Variants in NFIA observed in about 807,000 individuals in gnomAD.
NFIA encodes nuclear factor I A.
NFIA carries 8 observed loss-of-function variants against 62.8 expected under a neutral mutation model. The ratio of observed to expected loss-of-function variants is 0.13; its 90% CI spans 0.07 to 0.23. NFIA has a LOEUF of 0.23. Among genes scored for constraint, NFIA ranks in the 10% least tolerant of loss-of-function variants. The pLI is 1.00. For missense variants in NFIA, 410 were observed against 642.1 expected (o/e 0.64, Z 3.91); for synonymous variants, 235 against 238.1 (o/e 0.99, Z 0.12).
At chr1:61,280,530 A>G (rs1658069220) in intron 3 of NFIA, among the ~76,000 whole-genome samples, 1 of 152,246 alleles carries the variant, frequency 6.6e-6, no homozygotes, top group South Asian at 2.1e-4. Context: ...GTAATGGGAA[A>G]CGAATGGTAT....
chr1:61,342,793 C>T (rs979424144), intron 4 of NFIA, among the ~76,000 whole-genome samples: 1 of 152,240 alleles, frequency 6.6e-6, no homozygotes, highest in Non-Finnish European at 1.5e-5. Flanking sequence ...GTGAATTTCA[C>T]TCCTGTTTCT....
intron 4 of NFIA, among the ~76,000 whole-genome samples, chr1:61,334,295 G>A (rs549282206): frequency 1.5e-4 from 23 of 151,980 alleles, no homozygotes; most frequent in South Asian, 1.0e-3. Context: ...GTATTGAAGC[G>A]TACTTAAAGT....
intron 4 of NFIA, among the ~76,000 whole-genome samples, chr1:61,341,050 TACCGGC>T (rs1474325599): frequency 6.7e-6 from 1 of 149,802 alleles, no homozygotes; most frequent in Non-Finnish European, 1.5e-5. Flanking sequence ...GGGTCATCTG[TACCGGC>T]ATTCTTTTTT....
intron 4 of NFIA, among the ~76,000 whole-genome samples, chr1:61,349,129 AGAG>A (rs1662408509): frequency 6.6e-6 from 1 of 152,186 alleles, no homozygotes; most frequent in South Asian, 2.1e-4. Context: ...ACCTAATAAA[AGAG>A]GAAATTATGC....
At chr1:61,272,325 G>A (rs1657559743) in intron 2 of NFIA, among the ~76,000 whole-genome samples, 2 of 151,894 alleles carry the variant, frequency 1.3e-5, no homozygotes. Context: ...TTAAGGTCAC[G>A]GTCATACTGG....
At position 61,266,124 on chromosome 1, in the gene NFIA, T is replaced by C. The variant is rs529178772; in HGVS notation, c.560-11396T>C. ...AACACCTAACCCTCACCTTCATCTA[T>C]AGATATTCTGGCCTGGAGAGGTAAG... On this transcript the variant is annotated intron_variant, in intron 2 of 10. Coordinates refer to ENST00000403491, the MANE Select transcript of NFIA (RefSeq NM_001134673.4). 2.6e-5 allele frequency among the ~76,000 whole-genome samples: 4 copies of C among 152,290 alleles called. No homozygotes were observed. In the East Asian group the frequency reaches 7.7e-4, roughly 29 times the overall value.
intron 2 of NFIA, among the ~76,000 whole-genome samples, chr1:61,219,343 T>C (rs1653855958): frequency 1.3e-5 from 2 of 152,172 alleles, no homozygotes; most frequent in African/African-American, 4.8e-5. Flanking sequence ...TTATTAGATA[T>C]ATGGATTTGG....
chr1:61,205,997 C>T (rs1218829420), intron 2 of NFIA, among the ~76,000 whole-genome samples: 3 of 148,736 alleles, frequency 2.0e-5, no homozygotes, highest in Non-Finnish European at 4.4e-5. Flanking sequence ...GCTCACTACA[C>T]CCTGACCTCC....
At chr1:61,336,906 T>G (rs1661643607) in intron 4 of NFIA, among the ~76,000 whole-genome samples, 1 of 152,242 alleles carries the variant, frequency 6.6e-6, no homozygotes, top group Non-Finnish European at 1.5e-5. Flanking sequence ...GTTGAGATTT[T>G]TCTCCCTTTC....
At chr1:61,173,610 G>T (rs563584434) in intron 2 of NFIA, among the ~76,000 whole-genome samples, 1 of 151,940 alleles carries the variant, frequency 6.6e-6, no homozygotes, top group South Asian at 2.1e-4. Flanking sequence ...GGCTAGTCTC[G>T]AACTGCTGGC....
chr1:61,452,584 A>G (rs992619462), intron 10 of NFIA, among the ~76,000 whole-genome samples: 1 of 152,152 alleles, frequency 6.6e-6, no homozygotes, highest in African/African-American at 2.4e-5. Context: ...ACCACAGGGC[A>G]GCTCAGCCCC....
chr1:61,413,685 G>GGC (rs1181255981), intron 9 of NFIA, among the ~76,000 whole-genome samples: 3 of 120,430 alleles, frequency 2.5e-5, no homozygotes, highest in African/African-American at 6.6e-5. Context: ...GGAGTGCAGT[G>GGC]GCATTATCTC....
intron 6 of NFIA, among the ~76,000 whole-genome samples, chr1:61,362,685 G>A (rs1456151250): frequency 6.6e-6 from 1 of 152,170 alleles, no homozygotes; most frequent in Non-Finnish European, 1.5e-5. Flanking sequence ...GAAGGGCATA[G>A]GAGATTAAAG....
chr1:61,165,396 T>A (rs1350132356), intron 2 of NFIA, among the ~76,000 whole-genome samples: 1 of 152,206 alleles, frequency 6.6e-6, no homozygotes, highest in Non-Finnish European at 1.5e-5. Context: ...CATTTTAAGC[T>A]GATTAAAAGT....
In NFIA at chr1:61,274,193, T is replaced by C. The variant is rs144280872; in HGVS notation, c.560-3327T>C. ...TAGCTGTAGGCGCCATAAAACTGCA[T>C]AGGTGGATGGCTACCAGTTCAATTA... On this transcript the variant is annotated intron_variant, in intron 2 of 10. Transcript: ENST00000403491. Among the ~76,000 whole-genome samples, 467 of 152,296 alleles carry C rather than the reference T, an allele frequency of 3.1e-3. 1 individual carries two copies. Among genetic ancestry groups the C allele is most frequent in the Admixed American group, 8.4e-3 (128 of 15,292 alleles).
At chr1:61,218,805 A>G (rs767990491) in intron 2 of NFIA, among the ~76,000 whole-genome samples, 5 of 152,218 alleles carry the variant, frequency 3.3e-5, no homozygotes, top group Non-Finnish European at 7.3e-5. Flanking sequence ...GCAAGTTTTT[A>G]TTATTATAAT....
chr1:61,332,736 C>A, intron 4 of NFIA, 150 bp downstream of exon 4: 1 of 610,522 alleles, frequency 1.6e-6, no homozygotes, highest in Non-Finnish European at 2.8e-6. Context: ...GTTTGACAAC[C>A]AAGAATTTAA....
intron 3 of NFIA, among the ~76,000 whole-genome samples, chr1:61,309,229 G>C (rs1452308219): frequency 6.6e-6 from 1 of 152,072 alleles, no homozygotes; most frequent in African/African-American, 2.4e-5. Flanking sequence ...TGTTGTAAGG[G>C]TTGAATATGA....
chr1:61,298,440 A>G (rs1379703403), intron 3 of NFIA, among the ~76,000 whole-genome samples: 1 of 152,124 alleles, frequency 6.6e-6, no homozygotes, highest in African/African-American at 2.4e-5. Flanking sequence ...ACCCTTTTAG[A>G]TAATCCTTGC....
Sources: gnomAD v4.1 joint callset for allele counts (sites outside exome capture counted in the v4.1 genomes callset) on GRCh38, gnomAD v4.1.1 for gene constraint, MANE v1.5 for transcripts, NCBI Gene and HGNC (gene_info 2026-07-23, HGNC 2026-07-21) for gene names.